The following PDIA6 variants were observed in gnomAD, a reference collection of about 807,000 sequenced individuals.
PDIA6 encodes protein disulfide isomerase family A member 6, also known as protein disulfide-isomerase A6.
A neutral mutation model predicts 58.4 loss-of-function variants in PDIA6; 29 were observed. That is an observed-to-expected ratio of 0.50 (90% CI 0.37 to 0.68). PDIA6 has a LOEUF of 0.68. Ranked by LOEUF, PDIA6 falls within the 30% of genes least tolerant of loss-of-function variation. PDIA6 has a pLI of 0.00. For synonymous variants in PDIA6, 192 were observed against 202.6 expected (o/e 0.95, Z 0.44); for missense variants, 480 against 551.0 (o/e 0.87, Z 1.29).
At chr2:10,792,000 C>T (rs1666057139) in intron 5 of PDIA6, 75 bp from the exon 6 acceptor site, 51 of 1,427,456 alleles carry the variant, frequency 3.6e-5, no homozygotes, top group Non-Finnish European at 3.9e-5. Context: ...AATAACACTA[C>T]TGCTACATCT....
At chr2:10,787,952 G>A (rs548390415) in intron 10 of PDIA6, among the ~76,000 whole-genome samples, 6 of 151,802 alleles carry the variant, frequency 4.0e-5, no homozygotes, top group Admixed American at 6.6e-5. Flanking sequence ...TGTAGTCCCA[G>A]CTACGCAGGA....
intron 1 of PDIA6, among the ~76,000 whole-genome samples, chr2:10,825,505 T>G (rs912458548): frequency 2.6e-5 from 4 of 152,202 alleles, no homozygotes; most frequent in African/African-American, 9.7e-5. Flanking sequence ...ATTAAAACCT[T>G]TTGTGCTTCA....
upstream of PDIA6, among the ~76,000 whole-genome samples, chr2:10,814,750 C>A (rs1350094190): frequency 6.6e-6 from 1 of 152,194 alleles, no homozygotes; most frequent in Non-Finnish European, 1.5e-5. Flanking sequence ...CCATGGGCCA[C>A]AGACATCACA....
upstream of PDIA6, among the ~76,000 whole-genome samples, chr2:10,834,826 G>A (rs1212690086): frequency 1.3e-5 from 2 of 150,130 alleles, no homozygotes; most frequent in Non-Finnish European, 3.0e-5. Context: ...GAGTGCAGTG[G>A]TGTGATCTTA....
At chr2:10,833,733 A>G (rs1330000863), upstream of PDIA6, among the ~76,000 whole-genome samples, 1 of 152,216 alleles carries the variant, frequency 6.6e-6, no homozygotes, top group Admixed American at 6.5e-5. Flanking sequence ...CTTGCTGTAT[A>G]GTGGGCTCTG....
chr2:10,816,333 G>A (rs529842621), upstream of PDIA6, among the ~76,000 whole-genome samples: 16 of 150,952 alleles, frequency 1.1e-4, no homozygotes, highest in East Asian at 7.8e-4. Context: ...TGATCCACCC[G>A]TCTCGACCTC....
At chr2:10,814,754 C>T (rs1295501017), upstream of PDIA6, among the ~76,000 whole-genome samples, 1 of 152,226 alleles carries the variant, frequency 6.6e-6, no homozygotes, top group Non-Finnish European at 1.5e-5. Flanking sequence ...GGGCCACAGA[C>T]ATCACAGCTT....
rs116709970 is a variant in PDIA6, at chr2:10,797,579, C to T, written c.219+121G>A. 2.0e-3 allele frequency: 1,435 copies of T among 701,352 alleles called. 19 individuals are homozygous for T. In the African/African-American group the frequency reaches 0.023, roughly 11 times the overall value. 43.4% of individuals were successfully genotyped at this position (701,352 alleles called of 1,614,324 possible). ...CAACTCTGATATGCAAACTAGCTTCCCATTGAACATTAAACCATCTGCATA... is the reference window on the plus strand; with the variant it reads ...CAACTCTGATATGCAAACTAGCTTCTCATTGAACATTAAACCATCTGCATA... On this transcript the variant is annotated intron_variant, in intron 3 of 12. Coordinates refer to ENST00000272227, the MANE Select transcript of PDIA6 (RefSeq NM_005742.4).
chr2:10,822,411 C>T (rs961916140), intron 1 of PDIA6, among the ~76,000 whole-genome samples: 16 of 152,162 alleles, frequency 1.1e-4, no homozygotes, highest in South Asian at 2.1e-4. Context: ...TACAGGCGCC[C>T]GCCACGATGC....
chr2:10,786,282 C>T (rs1178847163), intron 11 of PDIA6, among the ~76,000 whole-genome samples: 1 of 151,506 alleles, frequency 6.6e-6, no homozygotes, highest in African/African-American at 2.4e-5. Context: ...GAGATCGTGC[C>T]AGCCCGGACG....
chr2:10,816,757 C>T (rs904802503), upstream of PDIA6, among the ~76,000 whole-genome samples: 9 of 152,066 alleles, frequency 5.9e-5, no homozygotes, highest in African/African-American at 2.2e-4. Flanking sequence ...GCTTCTACTT[C>T]CTAGAATCAT....
rs1466995315 is a variant in PDIA6, at chr2:10,784,323, GA to G, written c.1257del (p.Val421TrpfsTer15). 1 of 1,612,336 alleles carries G rather than the reference GA, an allele frequency of 6.2e-7. No individual in the cohort carries two copies. The highest frequency in any genetic ancestry group is 8.5e-7 in the Non-Finnish European group (1 of 1,179,460). On this transcript the variant is annotated frameshift_variant and splice_region_variant, in exon 13 of 13. Transcript: ENST00000272227. LOFTEE classifies it high-confidence loss of function. ...CTGAGGTCAATGTCATCCTCCACGGGAAGCTGGGAGACGACAGAAAGCCACT... is the reference window on the plus strand; with the variant it reads ...CTGAGGTCAATGTCATCCTCCACGGGAGCTGGGAGACGACAGAAAGCCACT... Reference protein sequence around the residue: ...REPWDGRDGELPVEDDIDLSD... With the variant: ...REPWDGRDGEXPVEDDIDLSD...
At position 10,805,941 on chromosome 2, in the gene PDIA6, G is replaced by A. The variant is rs182981593; in HGVS notation, c.20-3301C>T. ...GGGGGGAGGGGGGAGGGATAGCATCGGGAGATATACCTAATGCTAGATGAG... is the reference window on the plus strand; with the variant it reads ...GGGGGGAGGGGGGAGGGATAGCATCAGGAGATATACCTAATGCTAGATGAG... On this transcript the variant is annotated intron_variant, in intron 1 of 12. Coordinates refer to ENST00000272227, the MANE Select transcript of PDIA6 (RefSeq NM_005742.4). Among the ~76,000 whole-genome samples the A allele has an allele frequency of 4.0e-4, 38 of 94,986 alleles. 2 individuals are homozygous for A. In the East Asian group the frequency reaches 7.7e-3, roughly 19 times the overall value. 62.3% of individuals were successfully genotyped at this position (94,986 alleles called of 152,430 possible).
At position 10,793,249 on chromosome 2, in the gene PDIA6, G is replaced by C. The variant is rs1375834402; in HGVS notation, c.347-47C>G. ...CGGTCCTCAGCCCGGCCTTCAGCAA[G>C]TGCCTCATCTGGCCCGGCCCAAGAC... On this transcript the variant is annotated intron_variant, in intron 4 of 12. Transcript: ENST00000272227. 2.2e-6 allele frequency: 3 copies of C among 1,334,626 alleles called. No homozygotes were observed. The East Asian group carries it at 6.9e-5, about 31-fold the overall frequency. 82.7% of individuals were successfully genotyped at this position (1,334,626 alleles called of 1,614,324 possible). A position where few individuals can be genotyped will look rare whatever the true frequency, so the allele number is the denominator to read the frequency against.
chr2:10,834,252 C>G (rs901590092), upstream of PDIA6, among the ~76,000 whole-genome samples: 1 of 152,278 alleles, frequency 6.6e-6, no homozygotes, highest in Admixed American at 6.5e-5. Context: ...AAAAAGGGAA[C>G]CTCTCAGGCT....
exon 1 of PDIA6, chr2:10,837,635 T>C (rs1667855540): frequency 1.5e-6 from 2 of 1,309,722 alleles, no homozygotes; most frequent in Non-Finnish European, 2.1e-6. Flanking sequence ...AGGCACAGAA[T>C]TGCAGCTTGT....
intron 10 of PDIA6, among the ~76,000 whole-genome samples, chr2:10,788,103 A>G (rs1665866744): frequency 6.6e-6 from 1 of 150,760 alleles, no homozygotes; most frequent in South Asian, 2.1e-4. Flanking sequence ...AAAGAGATAC[A>G]CTGTTTTGAA....
In PDIA6 at chr2:10,793,202, C is replaced by T; in HGVS notation, c.347G>A (p.Gly116Asp). Residue 116 changes from glycine (G) to aspartate (D), a missense_variant and splice_region_variant, in exon 5 of 13, where the codon GGT becomes GAT. Transcript: ENST00000272227. The part of the protein sequence containing the change: ...SNKNRPEDYQ[G>D]GRTGEAIVDA... ...TACAATGGCTTCACCAGTTCTGCCA[C>T]CTACAGGAGACGGAAGGTAGGCGGT... 2 of 1,607,494 alleles carry T rather than the reference C, an allele frequency of 1.2e-6. No individual in the cohort carries two copies. Among genetic ancestry groups the T allele is most frequent in the South Asian group, 2.2e-5 (2 of 90,644 alleles).
intron 4 of PDIA6, among the ~76,000 whole-genome samples, chr2:10,794,794 G>A (rs935948478): frequency 6.6e-6 from 1 of 151,954 alleles, no homozygotes; most frequent in African/African-American, 2.4e-5. Context: ...GGGTGTAGTG[G>A]TGCATGTCTG....
Sources: gnomAD v4.1 joint callset for allele counts (sites outside exome capture counted in the v4.1 genomes callset) on GRCh38, gnomAD v4.1.1 for gene constraint, MANE v1.5 for transcripts, NCBI Gene and HGNC (gene_info 2026-07-23, HGNC 2026-07-21) for gene names.